Variants in HDLBP observed in about 807,000 individuals in gnomAD.
HDLBP encodes the protein high density lipoprotein binding protein.
A neutral mutation model predicts 137.3 loss-of-function variants in HDLBP; 30 were observed. The observed-to-expected ratio is 0.22, with a 90% confidence interval of 0.16 to 0.30. HDLBP has a LOEUF of 0.30. Among genes scored for constraint, HDLBP ranks in the 10% least tolerant of loss-of-function variants. The pLI is 1.00. For missense variants in HDLBP, 1,119 were observed against 1,667.3 expected, an observed-to-expected ratio of 0.67 and a Z score of 5.73; for synonymous variants, 606 against 596.0, an observed-to-expected ratio of 1.02 and a Z score of -0.24.
chr2:241,299,505 CAAAAA>C (rs11423330), intron 1 of HDLBP, among the ~76,000 whole-genome samples: 33 of 49,590 alleles, frequency 6.7e-4, no homozygotes, highest in African/African-American at 2.4e-3. Flanking sequence ...GGCTCCGTCT[CAAAAA>C]AAAAAAAAAA....
At chr2:241,248,150 A>G (rs2071825025) in intron 13 of HDLBP, 34 bp from the exon 14 acceptor site, 6 of 1,573,840 alleles carry the variant, frequency 3.8e-6, no homozygotes, top group Non-Finnish European at 4.4e-6. Flanking sequence ...AAGTTCAAGT[A>G]TGAGGAAGGA....
At chr2:241,291,176 G>A (rs2075002515) in intron 1 of HDLBP, among the ~76,000 whole-genome samples, 1 of 152,214 alleles carries the variant, frequency 6.6e-6, no homozygotes, top group Admixed American at 6.5e-5. Flanking sequence ...GAATAGGTAA[G>A]CGAGTTAATA....
In HDLBP at chr2:241,239,141, T is replaced by C. The variant is rs755056263; in HGVS notation, c.2611-354A>G. On this transcript the variant is annotated intron_variant, in intron 19 of 27. Coordinates refer to ENST00000310931, the MANE Select transcript of HDLBP (RefSeq NM_005336.6). This position sits in a 1 kb window ranked among gnomAD's most constrained non-coding sequence, Gnocchi z 4.6. ...CCAAGGCCCTGGCAGGGGAGTGGCC[T>C]GGAGGGGACACTCTCTAAAGACTGC... is the stretch of plus-strand genomic sequence containing the variant. Among the ~76,000 whole-genome samples, 3 of 152,194 alleles carry C rather than the reference T, an allele frequency of 2.0e-5. No homozygotes were observed. Among genetic ancestry groups the C allele is most frequent in the African/African-American group, 4.8e-5 (2 of 41,444 alleles).
chr2:241,260,922 G>T (rs1007259083), intron 5 of HDLBP, among the ~76,000 whole-genome samples: 2 of 152,174 alleles, frequency 1.3e-5, no homozygotes, highest in Non-Finnish European at 2.9e-5. Flanking sequence ...TGGGCGTGGT[G>T]GCTCACACCT....
intron 1 of HDLBP, among the ~76,000 whole-genome samples, chr2:241,281,205 T>C (rs2074586229): frequency 6.6e-6 from 1 of 151,946 alleles, no homozygotes; most frequent in African/African-American, 2.4e-5. Context: ...AAACACAAAA[T>C]TACTCGGGCT....
At chr2:241,236,302 G>A (rs545578257) in intron 21 of HDLBP, 142 of 376,614 alleles carry the variant, frequency 3.8e-4, no homozygotes, top group Middle Eastern at 2.2e-3. Context: ...GCAACTGGAG[G>A]TCACATTCAT....
chr2:241,246,675 A>G, intron 16 of HDLBP, 77 bp downstream of exon 16: 1 of 1,437,722 alleles, frequency 7.0e-7, no homozygotes, highest in Non-Finnish European at 9.6e-7. Flanking sequence ...ACCCTGCGTG[A>G]CTCAACCCCA....
intron 7 of HDLBP, among the ~76,000 whole-genome samples, chr2:241,255,848 AAC>A (rs1325727316): frequency 6.6e-6 from 1 of 152,226 alleles, no homozygotes; most frequent in African/African-American, 2.4e-5. Context: ...TCAATTAAGG[AAC>A]ACGTTTCAGA....
chr2:241,246,001 T>C (rs760405091), intron 16 of HDLBP, among the ~76,000 whole-genome samples: 2 of 151,928 alleles, frequency 1.3e-5, no homozygotes, highest in Non-Finnish European at 2.9e-5. Context: ...TTGGAGAAAA[T>C]AGAAAACCCC....
chr2:241,291,473 A>AGT, intron 1 of HDLBP, among the ~76,000 whole-genome samples: 1 of 152,296 alleles, frequency 6.6e-6, no homozygotes, highest in Admixed American at 6.5e-5. Flanking sequence ...CCAGGTTTAT[A>AGT]GTACTAGGGG....
chr2:241,281,652 C>G (rs2074610815), intron 1 of HDLBP, among the ~76,000 whole-genome samples: 1 of 152,208 alleles, frequency 6.6e-6, no homozygotes, highest in Non-Finnish European at 1.5e-5. Context: ...ACAGCCTTCA[C>G]ACGTGGCTAG....
At position 241,239,422 on chromosome 2, in the gene HDLBP, T is replaced by G. The variant is rs1266708039; in HGVS notation, c.2610+180A>C. ...TCGCAGGCAGAATTCTCACCAACTATCAGGAAGGAGGCCAGACAGGCTGAG... is the reference window on the plus strand; with the variant it reads ...TCGCAGGCAGAATTCTCACCAACTAGCAGGAAGGAGGCCAGACAGGCTGAG... On this transcript the variant is annotated intron_variant, in intron 19 of 27. Transcript: ENST00000310931. This position sits in a 1 kb window ranked among gnomAD's most constrained non-coding sequence, Gnocchi z 4.6. Among the ~76,000 whole-genome samples, 1 of 151,812 alleles carries G rather than the reference T, an allele frequency of 6.6e-6. No homozygotes were observed. The highest frequency in any genetic ancestry group is 2.4e-5 in the African/African-American group (1 of 41,316).
At chr2:241,231,144 G>C (rs1280026888) in intron 24 of HDLBP, 200 bp from the exon 25 acceptor site, 1 of 529,016 alleles carries the variant, frequency 1.9e-6, no homozygotes, top group Middle Eastern at 5.2e-4. Flanking sequence ...CAGCACTTTG[G>C]GAGGCCGAGG....
At position 241,276,772 on chromosome 2, in the gene HDLBP, T is replaced by C. The variant is rs116562478; in HGVS notation, c.-102-8231A>G. ...CTCTGATTACATGTATCTAATAACA[T>C]AGCTGCAAAACATATAAAGTAAAAA... is the stretch of plus-strand genomic sequence containing the variant. On this transcript the variant is annotated intron_variant, in intron 1 of 27. Coordinates refer to ENST00000310931, the MANE Select transcript of HDLBP (RefSeq NM_005336.6). Among the ~76,000 whole-genome samples the C allele has an allele frequency of 5.1e-3, 778 of 152,246 alleles. 4 individuals carry two copies. Among genetic ancestry groups the C allele is most frequent in the African/African-American group, 0.018 (744 of 41,552 alleles).
At chr2:241,289,365 T>C (rs6752050) in intron 1 of HDLBP, among the ~76,000 whole-genome samples, 16,855 of 152,292 alleles carry the variant, frequency 0.11, 1,187 homozygotes, top group Non-Finnish European at 0.15. Flanking sequence ...AGCCTCACTT[T>C]TGGATATAAA....
At chr2:241,308,650 G>C (rs1229420164) in intron 1 of HDLBP, among the ~76,000 whole-genome samples, 1 of 152,206 alleles carries the variant, frequency 6.6e-6, no homozygotes, top group Non-Finnish European at 1.5e-5. Flanking sequence ...ATGGTAGACT[G>C]AGGCTGACTG....
At chr2:241,256,488 C>G (rs2072624166) in intron 6 of HDLBP, 89 bp from the exon 7 acceptor site, 1 of 1,482,844 alleles carries the variant, frequency 6.7e-7, no homozygotes. Flanking sequence ...GTCAAGCCCT[C>G]CACCCCCACC....
chr2:241,314,796 G>A (rs1045978788), intron 1 of HDLBP, among the ~76,000 whole-genome samples: 1 of 152,198 alleles, frequency 6.6e-6, no homozygotes, highest in African/African-American at 2.4e-5. Flanking sequence ...TGTCAGAAAG[G>A]CTCAGGTTCC....
At chr2:241,276,482 A>G (rs1478248387) in intron 1 of HDLBP, among the ~76,000 whole-genome samples, 1 of 152,166 alleles carries the variant, frequency 6.6e-6, no homozygotes, top group Non-Finnish European at 1.5e-5. Flanking sequence ...ATAAAACACA[A>G]AACTGATGAG....
Sources: gnomAD v4.1 joint callset for allele counts (sites outside exome capture counted in the v4.1 genomes callset) on GRCh38, gnomAD v4.1.1 for gene constraint, Gnocchi (gnomAD v3.1) non-coding constraint, MANE v1.5 for transcripts, NCBI Gene and HGNC (gene_info 2026-07-23, HGNC 2026-07-21) for gene names.